The following GPAT4 variants were observed in gnomAD, a reference collection of about 807,000 sequenced individuals.
GPAT4 encodes 1-AGP acyltransferase 6.
GPAT4 carries 17 observed loss-of-function variants against 58.0 expected under a neutral mutation model. That is an observed-to-expected ratio of 0.29 (90% CI 0.20 to 0.44). The LOEUF (loss-of-function observed/expected upper bound fraction) is 0.44, where lower values mean the gene tolerates loss of function less well. Among genes scored for constraint, GPAT4 ranks in the 20% least tolerant of loss-of-function variants. The pLI is 1.00. For synonymous variants in GPAT4, 204 were observed against 210.1 expected, an observed-to-expected ratio of 0.97 and a Z score of 0.25; for missense variants, 377 against 574.5, an observed-to-expected ratio of 0.66 and a Z score of 3.51.
intron 1 of GPAT4, among the ~76,000 whole-genome samples, chr8:41,592,675 A>G (rs932960547): frequency 6.6e-6 from 1 of 152,216 alleles, no homozygotes; most frequent in African/African-American, 2.4e-5. Flanking sequence ...GCTAATTGCA[A>G]AAACATTTCA....
chr8:41,610,290 G>A, intron 4 of GPAT4: 2 of 1,234,396 alleles, frequency 1.6e-6, no homozygotes, highest in South Asian at 1.9e-5. Context: ...AGGTACAGGG[G>A]CAGTATTGAT....
chr8:41,591,387 C>G (rs889125852), intron 1 of GPAT4, among the ~76,000 whole-genome samples: 4 of 152,154 alleles, frequency 2.6e-5, no homozygotes, highest in Non-Finnish European at 5.9e-5. Context: ...GAAGGGTGGT[C>G]TCCTCCCTTA....
intron 1 of GPAT4, among the ~76,000 whole-genome samples, chr8:41,583,748 A>G (rs896656238): frequency 5.9e-5 from 9 of 152,170 alleles, no homozygotes; most frequent in African/African-American, 2.2e-4. Flanking sequence ...TTGCTTAGTA[A>G]TGTTCAGGTC....
rs117841352 is a variant in GPAT4 at position 41,612,231 on chromosome 8, G to A, written c.753G>A (p.Pro251=). The stretch of plus-strand genomic sequence containing the variant: ...TCTGTGTGGCCAATCATACCTCACC[G>A]ATCGATGTGATCATCTTGGCCAGCG... The part of the protein sequence containing the change: ...GGICVANHTS[P]IDVIILASDG... Residue 251 remains proline (P), a synonymous_variant, in exon 7 of 13, where the codon CCG becomes CCA. Transcript: ENST00000396987. 1.5e-3 allele frequency: 2,474 copies of A among 1,614,242 alleles called. 7 individuals are homozygous for A. Among genetic ancestry groups the A allele is most frequent in the Non-Finnish European group, 1.9e-3 (2,221 of 1,180,046 alleles).
chr8:41,588,370 G>A (rs1244211791), intron 1 of GPAT4, among the ~76,000 whole-genome samples: 1 of 152,188 alleles, frequency 6.6e-6, no homozygotes, highest in Non-Finnish European at 1.5e-5. Flanking sequence ...TCTGCATTTA[G>A]GAGTGATAAT....
intron 2 of GPAT4, among the ~76,000 whole-genome samples, chr8:41,608,701 T>G (rs1585668968): frequency 2.0e-5 from 3 of 152,230 alleles, no homozygotes; most frequent in Admixed American, 1.3e-4. Context: ...TCCCGTGAAG[T>G]AGGAGTTTGA....
chr8:41,610,708 T>C, intron 4 of GPAT4, 28 bp from the exon 5 acceptor site: 2 of 1,596,706 alleles, frequency 1.3e-6, no homozygotes, highest in South Asian at 1.1e-5. Flanking sequence ...ATTTGCTGGC[T>C]GTGCTCTAAC....
chr8:41,612,846 T>C lies in GPAT4; in HGVS notation c.797T>C (p.Val266Ala). 1 of 1,613,492 alleles carries C rather than the reference T, an allele frequency of 6.2e-7. No individual in the cohort carries two copies. The highest frequency in any genetic ancestry group is 8.5e-7 in the Non-Finnish European group (1 of 1,179,708). ...AATGAGTCCTGTGCCTGCGCTTAGG[T>C]GGGTCAAGTGCACGGGGGACTCATG... Reference protein sequence around the residue: ...ILASDGYYAMVGQVHGGLMGV... With the variant: ...ILASDGYYAMAGQVHGGLMGV... The change falls in exon 8 of 13, where the codon GTG (valine) becomes GCG (alanine). Residue 266 changes from valine (V) to alanine (A), a missense_variant and splice_region_variant. Transcript: ENST00000396987.
At chr8:41,585,703 G>A (rs1490248384) in intron 1 of GPAT4, among the ~76,000 whole-genome samples, 1 of 152,254 alleles carries the variant, frequency 6.6e-6, no homozygotes, top group Non-Finnish European at 1.5e-5. Context: ...CAGACAGCCA[G>A]AAGGTAGGGG....
Position 41,614,984 on chromosome 8 carries a change from C to T in GPAT4, c.989C>T (p.Ser330Leu). The stretch of plus-strand genomic sequence containing the variant: ...TTAGGAACCTGCATCAATAATACAT[C>T]GGTGATGATGTTCAAAAAGGGAAGT... The part of the protein sequence containing the change: ...FPEGTCINNT[S>L]VMMFKKGSFE... Residue 330 changes from serine to leucine, a missense_variant, in exon 10 of 13, where the codon TCG becomes TTG. Ser to Leu is a moderately radical substitution (Grantham distance 145, BLOSUM62 -2). Coordinates refer to ENST00000396987, the MANE Select transcript of GPAT4 (RefSeq NM_178819.4). 2.5e-6 allele frequency: 4 copies of T among 1,614,030 alleles called. No individual in the cohort carries two copies. The highest frequency in any genetic ancestry group is 3.4e-6 in the Non-Finnish European group (4 of 1,179,910).
intron 8 of GPAT4, among the ~76,000 whole-genome samples, chr8:41,613,861 A>G (rs1196286666): frequency 1.3e-5 from 2 of 152,076 alleles, no homozygotes; most frequent in African/African-American, 4.8e-5. Flanking sequence ...GACTTCAGTG[A>G]GCTATGATTG....
At chr8:41,605,753 G>T (rs773754511) in intron 2 of GPAT4, among the ~76,000 whole-genome samples, 1 of 152,150 alleles carries the variant, frequency 6.6e-6, no homozygotes, top group Non-Finnish European at 1.5e-5. Flanking sequence ...TGTAGTGTTA[G>T]TAGAGATGGG....
rs1047830985 is a variant in GPAT4, at chr8:41,580,807, G to A, written c.-849+2529G>A. On this transcript the variant is annotated intron_variant, in intron 1 of 12. Coordinates refer to ENST00000396987, the MANE Select transcript of GPAT4 (RefSeq NM_178819.4). Reference sequence around the variant, plus strand: ...AATCATTACCCCTAAAGATAGAGGAGGGAGGAGGAGGCAACTGTTGTGTGT... The same window carrying A: ...AATCATTACCCCTAAAGATAGAGGAAGGAGGAGGAGGCAACTGTTGTGTGT... Among the ~76,000 whole-genome samples the A allele has an allele frequency of 2.0e-5, 3 of 152,314 alleles. No individual in the cohort carries two copies. In the East Asian group the frequency reaches 5.8e-4, roughly 29 times the overall value.
rs886565884 is a variant in GPAT4, at chr8:41,598,921, G to A, written c.-219G>A. The A allele has an allele frequency of 8.6e-6, 5 of 582,186 alleles. No individual in the cohort carries two copies. Among genetic ancestry groups the A allele is most frequent in the African/African-American group, 3.8e-5 (2 of 52,838 alleles). The allele number at this position is 582,186 out of a possible 1,614,324, so 36.1% of individuals were successfully genotyped here. ...CTTTAGAGTCCATCCATTCTGGAGA[G>A]ACCTGGCGTTTGCAGTTGCCTCCTG... On this transcript the variant is annotated 5_prime_UTR_variant, in exon 2 of 13. Transcript: ENST00000396987.
rs760637404 is a variant in GPAT4, at chr8:41,598,655, C to T, written c.-485C>T. ...TCTGTGTGAAGTGCCAGTGATTACCCCTCCACAGGAGTTATCAGGATTTTT... is the reference window on the plus strand; with the variant it reads ...TCTGTGTGAAGTGCCAGTGATTACCTCTCCACAGGAGTTATCAGGATTTTT... On this transcript the variant is annotated 5_prime_UTR_variant, in exon 2 of 13. Coordinates refer to ENST00000396987, the MANE Select transcript of GPAT4 (RefSeq NM_178819.4). 37 of 153,986 alleles carry T rather than the reference C, an allele frequency of 2.4e-4. No individual in the cohort carries two copies. Among genetic ancestry groups the T allele is most frequent in the Non-Finnish European group, 5.3e-4 (37 of 69,356 alleles). 9.5% of individuals were successfully genotyped at this position (153,986 alleles called of 1,614,324 possible). A position where few individuals can be genotyped will look rare whatever the true frequency, so the allele number is the denominator to read the frequency against.
At chr8:41,613,637 C>T (rs1449239339) in intron 8 of GPAT4, among the ~76,000 whole-genome samples, 3 of 152,082 alleles carry the variant, frequency 2.0e-5, no homozygotes, top group Non-Finnish European at 4.4e-5. Context: ...CAGACAGAGA[C>T]ATCAAGACAG....
At position 41,624,550 on chromosome 8, in the gene GPAT4, T is replaced by A. The variant is rs996085531; in HGVS notation, c.*3549T>A. 1 of 152,176 alleles carries A rather than the reference T, an allele frequency of 6.6e-6. No individual in the cohort carries two copies. Among genetic ancestry groups the A allele is most frequent in the African/African-American group, 2.4e-5 (1 of 41,422 alleles). 9.4% of individuals were successfully genotyped at this position (152,176 alleles called of 1,614,324 possible). A position where few individuals can be genotyped will look rare whatever the true frequency, so the allele number is the denominator to read the frequency against. Reference sequence around the variant, plus strand: ...ATCCCGGGTGGCCAGACTCGGCTTCTCCAGGTGCACTTGTCCCAGGTGGCC... The same window carrying A: ...ATCCCGGGTGGCCAGACTCGGCTTCACCAGGTGCACTTGTCCCAGGTGGCC... On this transcript the variant is annotated 3_prime_UTR_variant, in exon 13 of 13. Transcript: ENST00000396987.
chr8:41,601,741 C>G (rs369286437), intron 2 of GPAT4, among the ~76,000 whole-genome samples: 1 of 152,276 alleles, frequency 6.6e-6, no homozygotes, highest in South Asian at 2.1e-4. Context: ...TTGAAAATGT[C>G]CCCAAAATTA....
At chr8:41,614,012 A>T (rs1384920878) in intron 8 of GPAT4, among the ~76,000 whole-genome samples, 1 of 152,224 alleles carries the variant, frequency 6.6e-6, no homozygotes, top group Non-Finnish European at 1.5e-5. Context: ...GGGACAGAGC[A>T]TCGAGCCAGC....
Sources: allele counts gnomAD v4.1 joint callset (sites outside exome capture counted in the v4.1 genomes callset), GRCh38; gene constraint gnomAD v4.1.1; transcripts MANE v1.5; gene names NCBI Gene and HGNC (gene_info 2026-07-23, HGNC 2026-07-21).